SPATS2L: variants seen among roughly 807,000 people sequenced by gnomAD.
SPATS2L encodes spermatogenesis associated serine rich 2 like, also known as SPATS2-like protein.
A neutral mutation model predicts 59.6 loss-of-function variants in SPATS2L; 30 were observed. That is an observed-to-expected ratio of 0.50 (90% confidence interval 0.38 to 0.68). SPATS2L has a LOEUF of 0.68. Among genes scored for constraint, SPATS2L ranks in the 30% least tolerant of loss-of-function variants. The pLI is 0.00. For missense variants in SPATS2L, 615 were observed against 700.0 expected (o/e 0.88, Z 1.37); for synonymous variants, 252 against 263.5 (o/e 0.96, Z 0.42).
intron 12 of SPATS2L, 90 bp from the exon 13 acceptor site, chr2:200,477,546 T>A: frequency 5.5e-6 from 4 of 730,204 alleles, no homozygotes; most frequent in Non-Finnish European, 7.6e-6. Flanking sequence ...AAAGCTTACC[T>A]GTGGCTTAGA....
chr2:200,455,849 A>G (rs1481912679), intron 8 of SPATS2L, among the ~76,000 whole-genome samples: 1 of 152,150 alleles, frequency 6.6e-6, no homozygotes, highest in African/African-American at 2.4e-5. Context: ...GATTCCACAG[A>G]ACATGGAAAT....
intron 3 of SPATS2L, among the ~76,000 whole-genome samples, chr2:200,407,050 G>T (rs985448683): frequency 6.6e-6 from 1 of 152,296 alleles, no homozygotes; most frequent in East Asian, 1.9e-4. Context: ...AAGCCACATG[G>T]TCTTTCCACT....
chr2:200,366,425 A>T (rs758720262), intron 2 of SPATS2L, among the ~76,000 whole-genome samples: 2 of 152,176 alleles, frequency 1.3e-5, no homozygotes, highest in Admixed American at 1.3e-4. Context: ...TTGCTTTCTT[A>T]TTCTTGTATC....
intron 2 of SPATS2L, among the ~76,000 whole-genome samples, chr2:200,385,753 T>C (rs1032412244): frequency 5.3e-5 from 8 of 151,984 alleles, no homozygotes; most frequent in Admixed American, 2.6e-4. Flanking sequence ...AGTGCAGTGG[T>C]GCGATCTTGG....
At chr2:200,439,467 C>G (rs1433794627) in intron 7 of SPATS2L, 139 bp downstream of exon 7, 2 of 677,116 alleles carry the variant, frequency 3.0e-6, no homozygotes, top group African/African-American at 1.8e-5. Flanking sequence ...CTGTGACCCA[C>G]ATAGATGGAA....
At chr2:200,349,169 G>A (rs1574462142) in intron 2 of SPATS2L, among the ~76,000 whole-genome samples, 1 of 152,212 alleles carries the variant, frequency 6.6e-6, no homozygotes, top group South Asian at 2.1e-4. Flanking sequence ...TCTCAGGCCT[G>A]TAGTTGGCAT....
rs532559388 is a variant in SPATS2L at position 200,307,462 on chromosome 2, C to T, written c.-73+540C>T. Among the ~76,000 whole-genome samples, 13 of 152,126 alleles carry T rather than the reference C, an allele frequency of 8.5e-5. No homozygotes were observed. The South Asian group carries it at 2.5e-3, about 29-fold the overall frequency. ...CACTGAACCCCGCGCCCCTGGCGCC[C>T]AGCGGGAGTGGGATGCGTTGGCGTC... On this transcript the variant is annotated intron_variant, in intron 1 of 12. Transcript: ENST00000409140.
chr2:200,308,296 C>T (rs1407061580), intron 1 of SPATS2L, among the ~76,000 whole-genome samples: 5 of 151,578 alleles, frequency 3.3e-5, no homozygotes, highest in Non-Finnish European at 5.9e-5. Flanking sequence ...GAGTGGCCGT[C>T]TGGATAAAGT....
At chr2:200,306,136 A>G (rs1216882872), upstream of SPATS2L, 3 of 991,354 alleles carry the variant, frequency 3.0e-6, no homozygotes, top group African/African-American at 3.5e-5. Context: ...GAGCTCCAGC[A>G]CTTTTTCCGC....
At chr2:200,333,585 T>G (rs1345006300) in intron 2 of SPATS2L, among the ~76,000 whole-genome samples, 1 of 152,094 alleles carries the variant, frequency 6.6e-6, no homozygotes, top group Non-Finnish European at 1.5e-5. Context: ...ATGTGCCATG[T>G]TGGTGTGCTG....
At position 200,426,130 on chromosome 2, in the gene SPATS2L, A is replaced by ACCCAGGC. The variant is rs1362778526; in HGVS notation, c.445+6635_445+6641dup. Among the ~76,000 whole-genome samples the ACCCAGGC allele has an allele frequency of 5.9e-4, 62 of 105,628 alleles. 1 individual carries two copies. Among genetic ancestry groups the ACCCAGGC allele is most frequent in the African/African-American group, 2.2e-3 (56 of 26,000 alleles). 69.3% of individuals were successfully genotyped at this position (105,628 alleles called of 152,430 possible). ...TTTTGAGATGGAGTCTCACTGTGTT[A>ACCCAGGC]CCCAGGCTGGAGTGCAGTGGCGCGA... On this transcript the variant is annotated intron_variant, in intron 6 of 12. Coordinates refer to ENST00000409140, the MANE Select transcript of SPATS2L (RefSeq NM_001100423.2).
intron 9 of SPATS2L, among the ~76,000 whole-genome samples, chr2:200,463,622 CAGA>C (rs1399539845): frequency 2.6e-5 from 4 of 152,298 alleles, no homozygotes; most frequent in Admixed American, 2.6e-4. Flanking sequence ...ACAGATTTTA[CAGA>C]AGAAGAAACC....
intron 2 of SPATS2L, among the ~76,000 whole-genome samples, chr2:200,387,367 G>A (rs1260376164): frequency 6.6e-6 from 1 of 152,194 alleles, no homozygotes; most frequent in Non-Finnish European, 1.5e-5. Context: ...TGCTTTACTG[G>A]AAGCAAGTAT....
chr2:200,432,556 C>G (rs112667116), intron 6 of SPATS2L, among the ~76,000 whole-genome samples: 117 of 152,242 alleles, frequency 7.7e-4, no homozygotes, highest in South Asian at 2.1e-3. Flanking sequence ...AGAAGAAGAT[C>G]TAGAGTTTCT....
rs1400589242 is a variant in SPATS2L, at chr2:200,307,043, G to T, written c.-73+121G>T. Reference sequence around the variant, plus strand: ...GGCCGAGCATTCCGCAGCCCGGGCCGCCCAGCCTCCGCCGCCTCCCGGAGC... The same window carrying T: ...GGCCGAGCATTCCGCAGCCCGGGCCTCCCAGCCTCCGCCGCCTCCCGGAGC... On this transcript the variant is annotated intron_variant, in intron 1 of 12. Coordinates refer to ENST00000409140, the MANE Select transcript of SPATS2L (RefSeq NM_001100423.2). 4 of 854,756 alleles carry T rather than the reference G, an allele frequency of 4.7e-6. No individual in the cohort carries two copies. The African/African-American group carries it at 7.3e-5, about 16-fold the overall frequency. 52.9% of individuals were successfully genotyped at this position (854,756 alleles called of 1,614,324 possible).
intron 2 of SPATS2L, chr2:200,384,067 CAT>C: frequency 1.1e-6 from 1 of 904,614 alleles, no homozygotes; most frequent in Non-Finnish European, 1.3e-6. Flanking sequence ...GCATTAGAAA[CAT>C]AAATATATAT....
At chr2:200,465,994 G>A (rs577654847) in intron 9 of SPATS2L, among the ~76,000 whole-genome samples, 2 of 152,160 alleles carry the variant, frequency 1.3e-5, no homozygotes, top group Middle Eastern at 3.2e-3. Flanking sequence ...ATCATGCCAC[G>A]GCACTCCAGC....
intron 2 of SPATS2L, among the ~76,000 whole-genome samples, chr2:200,332,489 C>T (rs2079979051): frequency 6.6e-6 from 1 of 152,140 alleles, no homozygotes; most frequent in African/African-American, 2.4e-5. Flanking sequence ...TTAAGCGATC[C>T]TCCCACCTTG....
At chr2:200,447,610 T>C (rs2085136647) in intron 8 of SPATS2L, among the ~76,000 whole-genome samples, 1 of 152,180 alleles carries the variant, frequency 6.6e-6, no homozygotes, top group Non-Finnish European at 1.5e-5. Context: ...GATATAAACA[T>C]GAGGAATGAG....
Sources: gnomAD v4.1 joint callset for allele counts (sites outside exome capture counted in the v4.1 genomes callset) on GRCh38, gnomAD v4.1.1 for gene constraint, MANE v1.5 for transcripts, NCBI Gene and HGNC (gene_info 2026-07-23, HGNC 2026-07-21) for gene names.